RBFOX1: variants seen among roughly 807,000 people sequenced by gnomAD.
RBFOX1 encodes RNA binding fox-1 homolog 1.
In RBFOX1, 8 loss-of-function variants were observed where a neutral mutation model predicts 57.7. The ratio of observed to expected loss-of-function variants is 0.14; its 90% CI spans 0.08 to 0.25. The LOEUF is 0.25. Among genes scored for constraint, RBFOX1 ranks in the 10% least tolerant of loss-of-function variants. The pLI, the probability that RBFOX1 is intolerant of heterozygous loss-of-function variation, is 1.00. For missense variants in RBFOX1, 611 were observed against 548.5 expected (o/e 1.11, Z -1.14); for synonymous variants, 326 against 222.4 (o/e 1.47, Z -4.15).
intron 3 of RBFOX1, among the ~76,000 whole-genome samples, chr16:6,839,232 G>T (rs750967840): frequency 1.3e-5 from 2 of 152,042 alleles, no homozygotes; most frequent in Admixed American, 6.6e-5. Flanking sequence ...TGATCCACCC[G>T]CCTCAGCCCC....
At chr16:5,873,707 G>C (rs960417171) in intron 4 of RBFOX1, among the ~76,000 whole-genome samples, 2 of 152,084 alleles carry the variant, frequency 1.3e-5, no homozygotes, top group African/African-American at 4.8e-5. Context: ...TGTCTCATGA[G>C]GACTGATGTT....
intron 2 of RBFOX1, among the ~76,000 whole-genome samples, chr16:6,516,347 T>C (rs1056039066): frequency 6.6e-6 from 1 of 152,240 alleles, no homozygotes; most frequent in African/African-American, 2.4e-5. Flanking sequence ...ATCCTCAGTT[T>C]CTTCATCTGT....
At chr16:7,070,760 C>G (rs1006417249) in intron 4 of RBFOX1, among the ~76,000 whole-genome samples, 2 of 152,270 alleles carry the variant, frequency 1.3e-5, no homozygotes, top group African/African-American at 2.4e-5. Flanking sequence ...TGGCCTTAAA[C>G]TGAAGAATTG....
intron 1 of RBFOX1, among the ~76,000 whole-genome samples, chr16:5,398,837 C>A (rs1171692999): frequency 6.6e-6 from 1 of 152,174 alleles, no homozygotes; most frequent in Non-Finnish European, 1.5e-5. Flanking sequence ...GAATTTGAGT[C>A]TAGTTTAAGT....
chr16:5,694,718 C>T (rs2050795628), intron 3 of RBFOX1, among the ~76,000 whole-genome samples: 1 of 151,698 alleles, frequency 6.6e-6, no homozygotes, highest in Non-Finnish European at 1.5e-5. Flanking sequence ...TAAAGTAGAC[C>T]ACTCACAGCC....
At chr16:6,674,485 C>G (rs1285298296) in intron 3 of RBFOX1, among the ~76,000 whole-genome samples, 2 of 152,020 alleles carry the variant, frequency 1.3e-5, no homozygotes, top group African/African-American at 4.8e-5. Context: ...CCATGCCCGG[C>G]TAATTTTTGT....
At chr16:6,058,403 C>T (rs955336843) in intron 1 of RBFOX1, among the ~76,000 whole-genome samples, 2 of 152,036 alleles carry the variant, frequency 1.3e-5, no homozygotes, top group Non-Finnish European at 2.9e-5. Flanking sequence ...TAACTTCTTG[C>T]ACTGGCCTAG....
At chr16:7,285,270 C>T (rs1248885132) in intron 4 of RBFOX1, among the ~76,000 whole-genome samples, 1 of 151,784 alleles carries the variant, frequency 6.6e-6, no homozygotes, top group African/African-American at 2.4e-5. Flanking sequence ...ACAGTTTTCC[C>T]CAATGGTAAC....
chr16:5,586,128 AC>A (rs1389404796), intron 2 of RBFOX1, among the ~76,000 whole-genome samples: 1 of 152,198 alleles, frequency 6.6e-6, no homozygotes, highest in Non-Finnish European at 1.5e-5. Flanking sequence ...AAGCCAAGGC[AC>A]CTTGAGGATC....
intron 4 of RBFOX1, among the ~76,000 whole-genome samples, chr16:7,173,388 A>T (rs2081075104): frequency 6.6e-6 from 1 of 152,192 alleles, no homozygotes; most frequent in African/African-American, 2.4e-5. Context: ...TATAAAACAG[A>T]ATTCAGAAAC....
rs532133357 is a variant in RBFOX1 at position 5,826,369 on chromosome 16, T to G, written c.319-40934T>G. 3.9e-5 allele frequency among the ~76,000 whole-genome samples: 6 copies of G among 152,292 alleles called. No homozygotes were observed. The South Asian group carries it at 1.2e-3, about 32-fold the overall frequency. Reference sequence around the variant, plus strand: ...TGTCCCCAGTAGATGTCCAGCTGTTTTCATTCCACATTACAGTGTTTCAGA... The same window carrying G: ...TGTCCCCAGTAGATGTCCAGCTGTTGTCATTCCACATTACAGTGTTTCAGA... On this transcript the variant is annotated intron_variant, in intron 3 of 19. Transcript: ENST00000641259.
intron 1 of RBFOX1, among the ~76,000 whole-genome samples, chr16:5,393,817 C>T (rs576563496): frequency 1.2e-4 from 18 of 152,300 alleles, no homozygotes; most frequent in African/African-American, 4.3e-4. Context: ...CCATCCATCT[C>T]CAGAACTTTT....
At position 7,713,098 on chromosome 16, in the gene RBFOX1, T is replaced by A. The variant is rs895517876; in HGVS notation, c.*2353T>A. On this transcript the variant is annotated 3_prime_UTR_variant, in exon 16 of 16. Transcript: ENST00000550418. ...GTAAACAAACATTTTGGATTTTTTT[T>A]AAACAGTATTTATTTGGAATGTTTT... 5.3e-5 allele frequency: 8 copies of A among 152,228 alleles called. No individual in the cohort carries two copies. The highest frequency in any genetic ancestry group is 2.1e-4 in the South Asian group (1 of 4,834). 9.4% of individuals were successfully genotyped at this position (152,228 alleles called of 1,614,324 possible). A position where few individuals can be genotyped will look rare whatever the true frequency, so the allele number is the denominator to read the frequency against.
At chr16:6,229,535 C>A (rs547019928) in intron 1 of RBFOX1, among the ~76,000 whole-genome samples, 1 of 151,900 alleles carries the variant, frequency 6.6e-6, no homozygotes, top group African/African-American at 2.4e-5. Flanking sequence ...TTTTTTGAGC[C>A]GCTCATAAAA....
chr16:7,018,267 C>T (rs540267617), intron 3 of RBFOX1, among the ~76,000 whole-genome samples: 92 of 152,230 alleles, frequency 6.0e-4, no homozygotes, highest in Non-Finnish European at 1.2e-3. Flanking sequence ...CCAGCTTCTC[C>T]TTATGCAAGG....
At chr16:5,928,258 G>A (rs2058976033) in intron 4 of RBFOX1, among the ~76,000 whole-genome samples, 1 of 151,682 alleles carries the variant, frequency 6.6e-6, no homozygotes, top group South Asian at 2.1e-4. Context: ...TGTTTTAATT[G>A]TTTGTAGAGA....
chr16:6,072,599 A>C (rs564061411), intron 1 of RBFOX1, among the ~76,000 whole-genome samples: 34 of 150,744 alleles, frequency 2.3e-4, no homozygotes, highest in African/African-American at 7.8e-4. Flanking sequence ...CAGTTTTTCC[A>C]CTTCCAGGCC....
intron 3 of RBFOX1, among the ~76,000 whole-genome samples, chr16:6,659,231 G>A (rs537173715): frequency 3.2e-3 from 79 of 24,630 alleles, no homozygotes; most frequent in Non-Finnish European, 3.9e-3. Context: ...AAGAGGAGAC[G>A]AGAGCCCATT....
chr16:5,732,793 G>A (rs1266390303), intron 3 of RBFOX1, among the ~76,000 whole-genome samples: 1 of 152,112 alleles, frequency 6.6e-6, no homozygotes, highest in Non-Finnish European at 1.5e-5. Context: ...ACAAAGCCGG[G>A]CTTGTTCTCT....
Sources: gnomAD v4.1 joint callset for allele counts (sites outside exome capture counted in the v4.1 genomes callset) on GRCh38, gnomAD v4.1.1 for gene constraint, MANE v1.5 for transcripts, NCBI Gene and HGNC (gene_info 2026-07-23, HGNC 2026-07-21) for gene names.